The following PHACTR1 variants were observed in gnomAD, a reference collection of about 807,000 sequenced individuals.
PHACTR1 encodes phosphatase and actin regulator 1, also known as RPEL repeat containing 1.
Under a neutral mutation model 69.2 loss-of-function variants are expected in PHACTR1, and 16 were observed. That is an observed-to-expected ratio of 0.23 (90% CI 0.16 to 0.35). The LOEUF is 0.35. PHACTR1 is among the 10% of genes least tolerant of loss of function. The probability of loss-of-function intolerance (pLI) is 1.00; values close to 1 mark genes in which losing one functional copy is unlikely to be tolerated. For synonymous variants in PHACTR1, 312 were observed against 284.5 expected (o/e 1.10, Z -0.97); for missense variants, 510 against 734.7 (o/e 0.69, Z 3.54).
intron 4 of PHACTR1, among the ~76,000 whole-genome samples, chr6:12,868,261 G>GAAA (rs60449070): frequency 1.2e-4 from 17 of 136,546 alleles, no homozygotes; most frequent in South Asian, 2.3e-4. Context: ...ATCTCAAAAA[G>GAAA]AAAAAAAAAA....
intron 5 of PHACTR1, among the ~76,000 whole-genome samples, chr6:13,056,329 G>GT (rs1806777281): frequency 1.3e-5 from 2 of 152,198 alleles, no homozygotes; most frequent in African/African-American, 4.8e-5. Flanking sequence ...GAACCCAGGA[G>GT]TTTAAGACTT....
intron 4 of PHACTR1, among the ~76,000 whole-genome samples, chr6:13,026,607 T>C (rs1261473170): frequency 2.0e-5 from 3 of 152,152 alleles, no homozygotes; most frequent in Admixed American, 2.0e-4. Context: ...CTCCTCTCTG[T>C]TCATGGTGGT....
chr6:13,069,648 T>C (rs1300206089), intron 5 of PHACTR1, among the ~76,000 whole-genome samples: 1 of 152,190 alleles, frequency 6.6e-6, no homozygotes, highest in Non-Finnish European at 1.5e-5. Context: ...AAAGCTTAGA[T>C]GTCTCCTAAG....
At chr6:13,148,796 A>G (rs1337718041) in intron 5 of PHACTR1, among the ~76,000 whole-genome samples, 1 of 152,194 alleles carries the variant, frequency 6.6e-6, no homozygotes, top group African/African-American at 2.4e-5. Flanking sequence ...TCTTGAGGAG[A>G]TACTCTGTAG....
rs1011954894 is a variant in PHACTR1 at position 13,179,045 on chromosome 6, G to A, written c.497-3474G>A. 7.9e-5 allele frequency among the ~76,000 whole-genome samples: 12 copies of A among 152,140 alleles called. No individual in the cohort carries two copies. Among genetic ancestry groups the A allele is most frequent in the African/African-American group, 2.9e-4 (12 of 41,420 alleles). On this transcript the variant is annotated intron_variant, in intron 6 of 14. Transcript: ENST00000332995. The surrounding 1 kb of genome is among the most constrained non-coding windows in gnomAD (Gnocchi z 4.2). ...GAGTCAAGGAGTTCCACATGAGGCT[G>A]GGCAACATGGCAAAACCCTGTCTCT...
intron 4 of PHACTR1, among the ~76,000 whole-genome samples, chr6:12,787,280 C>A (rs1340748931): frequency 1.3e-5 from 2 of 152,054 alleles, no homozygotes; most frequent in Admixed American, 1.3e-4. Context: ...CAGGTTAGAG[C>A]CAAGTAGGTA....
chr6:12,975,676 G>T (rs1794789436), intron 4 of PHACTR1, among the ~76,000 whole-genome samples: 1 of 152,180 alleles, frequency 6.6e-6, no homozygotes, highest in Non-Finnish European at 1.5e-5. Flanking sequence ...CAACCTGCCA[G>T]GCTCAAGCAA....
intron 4 of PHACTR1, among the ~76,000 whole-genome samples, chr6:12,923,274 T>C (rs1787911347): frequency 6.6e-6 from 1 of 152,234 alleles, no homozygotes; most frequent in Admixed American, 6.5e-5. Context: ...CCAAAGGACC[T>C]ATGCTTTAAT....
At position 13,179,260 on chromosome 6, in the gene PHACTR1, A is replaced by ACC; in HGVS notation, c.497-3258_497-3257insCC. On this transcript the variant is annotated intron_variant, in intron 6 of 14. Transcript: ENST00000332995. This position sits in a 1 kb window ranked among gnomAD's most constrained non-coding sequence, Gnocchi z 4.2. ...CAAACAAACAGCAACAACAACAACA[A>ACC]CAAACCCAGTACTGATATATAAATA... Among the ~76,000 whole-genome samples, 1 of 152,084 alleles carries ACC rather than the reference A, an allele frequency of 6.6e-6. No homozygotes were observed. The highest frequency in any genetic ancestry group is 1.5e-5 in the Non-Finnish European group (1 of 68,020).
At chr6:13,230,261 T>A (rs1352763136) in intron 10 of PHACTR1, 68 bp downstream of exon 10, 1 of 1,558,556 alleles carries the variant, frequency 6.4e-7, no homozygotes, top group Non-Finnish European at 8.7e-7. Context: ...AGCAAAAGAA[T>A]TCAGTCTCGG....
intron 9 of PHACTR1, among the ~76,000 whole-genome samples, chr6:13,228,394 ACT>A (rs1426443597): frequency 3.3e-5 from 5 of 152,144 alleles, no homozygotes; most frequent in Admixed American, 1.3e-4. Context: ...GAAGTTTAAA[ACT>A]CTGTCCCTGT....
chr6:13,269,872 T>C (rs1295564913), intron 10 of PHACTR1, among the ~76,000 whole-genome samples: 1 of 152,104 alleles, frequency 6.6e-6, no homozygotes, highest in African/African-American at 2.4e-5. Context: ...CACTCTACTC[T>C]CACACTTAAC....
At chr6:13,054,736 C>T (rs1307914322) in intron 5 of PHACTR1, among the ~76,000 whole-genome samples, 1 of 152,212 alleles carries the variant, frequency 6.6e-6, no homozygotes, top group Non-Finnish European at 1.5e-5. Flanking sequence ...AGTCCCCTTT[C>T]TCCAAATACC....
chr6:13,018,254 T>C (rs983329224), intron 4 of PHACTR1, among the ~76,000 whole-genome samples: 5 of 152,168 alleles, frequency 3.3e-5, no homozygotes. Flanking sequence ...GTGAGCAGTC[T>C]ACCGAGGTCG....
At chr6:13,031,301 G>A (rs1410420934) in intron 4 of PHACTR1, among the ~76,000 whole-genome samples, 1 of 152,142 alleles carries the variant, frequency 6.6e-6, no homozygotes, top group South Asian at 2.1e-4. Context: ...CCTATGCAGT[G>A]TTTGTCTATT....
intron 6 of PHACTR1, among the ~76,000 whole-genome samples, chr6:13,180,069 A>G (rs1761990166): frequency 1.3e-5 from 2 of 152,202 alleles, no homozygotes; most frequent in African/African-American, 4.8e-5. Context: ...ATATTGATAT[A>G]TAGTCATCCA....
chr6:12,738,988 T>A (rs1435138332), intron 3 of PHACTR1, among the ~76,000 whole-genome samples: 2 of 152,230 alleles, frequency 1.3e-5, no homozygotes, highest in Non-Finnish European at 1.5e-5. Flanking sequence ...AGTACCCATA[T>A]ATAATGGTTT....
intron 4 of PHACTR1, among the ~76,000 whole-genome samples, chr6:13,032,509 CTAGATTCTTTT>C (rs1802591999): frequency 6.6e-6 from 1 of 151,984 alleles, no homozygotes; most frequent in Non-Finnish European, 1.5e-5. Context: ...GCAGTGTTTT[CTAGATTCTTTT>C]TATTTGTGCA....
intron 6 of PHACTR1, among the ~76,000 whole-genome samples, chr6:13,173,242 T>G (rs942219825): frequency 6.6e-6 from 1 of 152,382 alleles, no homozygotes; most frequent in East Asian, 1.9e-4. Context: ...AAATTGCAAT[T>G]ACTTTTGCAC....
Sources: allele counts gnomAD v4.1 joint callset (sites outside exome capture counted in the v4.1 genomes callset), GRCh38; gene constraint gnomAD v4.1.1; non-coding constraint Gnocchi (gnomAD v3.1); transcripts MANE v1.5; gene names NCBI Gene and HGNC (gene_info 2026-07-23, HGNC 2026-07-21).